NETO1: variants seen among roughly 807,000 people sequenced by gnomAD.
NETO1 encodes neuropilin and tolloid-like protein 1.
Under a neutral mutation model 61.3 loss-of-function variants are expected in NETO1, and 26 were observed. The observed-to-expected ratio is 0.42, with a 90% CI of 0.31 to 0.59. The LOEUF (loss-of-function observed/expected upper bound fraction) is 0.59. Among genes scored for constraint, NETO1 ranks in the 20% least tolerant of loss-of-function variants. The pLI, the probability that NETO1 is intolerant of heterozygous loss-of-function variation, is 0.12. For missense variants in NETO1, 531 were observed against 662.8 expected (o/e 0.80, Z 2.18); for synonymous variants, 225 against 225.8 (o/e 1.00, Z 0.03).
chr18:72,762,971 C>T (rs1156435585), intron 7 of NETO1, among the ~76,000 whole-genome samples: 1 of 152,138 alleles, frequency 6.6e-6, no homozygotes, highest in Non-Finnish European at 1.5e-5. Flanking sequence ...AATCATAGAA[C>T]ACATTGTTTT....
At chr18:72,867,179 A>T in intron 1 of NETO1, 85 bp downstream of exon 1, 1 of 1,047,252 alleles carries the variant, frequency 9.5e-7, no homozygotes, top group Non-Finnish European at 1.3e-6. Context: ...CGCGGCGCAG[A>T]GGCTTTTCCT....
chr18:72,747,797 T>G lies in NETO1; in HGVS notation c.*382A>C, dbSNP rs992650471. On this transcript the variant is annotated 3_prime_UTR_variant, in exon 11 of 11. Coordinates refer to ENST00000327305, the MANE Select transcript of NETO1 (RefSeq NM_138966.5). ...AACACAAGGTTCATCCAAATTCGTG[T>G]TTTTTTTTCACATATCACACAATGT... The G allele has an allele frequency of 3.3e-5, 5 of 150,558 alleles. No individual in the cohort carries two copies. The highest frequency in any genetic ancestry group is 9.8e-5 in the African/African-American group (4 of 40,896). 9.3% of individuals were successfully genotyped at this position (150,558 alleles called of 1,614,324 possible).
chr18:72,842,151 A>AT (rs1253209983), intron 4 of NETO1, among the ~76,000 whole-genome samples: 3 of 152,230 alleles, frequency 2.0e-5, no homozygotes, highest in Non-Finnish European at 4.4e-5. Context: ...AATGCAGAGT[A>AT]GTGCCTGTGG....
Position 72,743,803 on chromosome 18 carries a change from T to G in NETO1, c.*4376A>C, listed in dbSNP as rs1006886959. 1 of 152,180 alleles carries G rather than the reference T, an allele frequency of 6.6e-6. No individual in the cohort carries two copies. Among genetic ancestry groups the G allele is most frequent in the African/African-American group, 2.4e-5 (1 of 41,440 alleles). The allele number at this position is 152,180 out of a possible 1,614,324, so 9.4% of individuals were successfully genotyped here. On this transcript the variant is annotated 3_prime_UTR_variant, in exon 11 of 11. Transcript: ENST00000327305. The stretch of plus-strand genomic sequence containing the variant: ...TTTATTTTAAATAATTTATACATTG[T>G]TTTCTGGTCATTTTTAAGTTTTGTG...
At chr18:72,789,210 G>GCATA (rs1555687346) in intron 6 of NETO1, among the ~76,000 whole-genome samples, 3 of 141,460 alleles carry the variant, frequency 2.1e-5, no homozygotes, top group African/African-American at 5.2e-5. Flanking sequence ...TAACACACAA[G>GCATA]CACACACACA....
intron 6 of NETO1, 43 bp from the exon 7 acceptor site, chr18:72,783,949 A>G: frequency 7.4e-7 from 1 of 1,355,838 alleles, no homozygotes. Flanking sequence ...TCAAAATATG[A>G]ATGTACATCA....
Position 72,862,542 on chromosome 18 carries a change from C to T in NETO1, c.220+2266G>A, listed in dbSNP as rs1055111446. 7.2e-5 allele frequency among the ~76,000 whole-genome samples: 11 copies of T among 151,996 alleles called. No homozygotes were observed. In the East Asian group the frequency reaches 9.7e-4, roughly 13 times the overall value. On this transcript the variant is annotated intron_variant, in intron 3 of 10. Transcript: ENST00000327305. ...CAATTCCGTCTATCTAACAAGTTAT[C>T]GAGCAACAAATATTAGAACAGTCCC...
At chr18:72,765,871 C>T (rs1201279340) in intron 7 of NETO1, among the ~76,000 whole-genome samples, 1 of 152,122 alleles carries the variant, frequency 6.6e-6, no homozygotes, top group Non-Finnish European at 1.5e-5. Context: ...GAGTAATCAA[C>T]TGAAGATGCA....
chr18:72,750,389 G>A lies in NETO1; in HGVS notation c.1214C>T (p.Ala405Val), dbSNP rs767804434. 1.2e-6 allele frequency: 2 copies of A among 1,614,118 alleles called. No individual in the cohort carries two copies. The highest frequency in any genetic ancestry group is 1.1e-5 in the South Asian group (1 of 91,084). ...GTCATCTGCCACATCTGCAAAGTCA[G>A]CTGTAGCTCCTGTCCCTCTGAGAGT... ...LCTLRGTGAT[A>V]DFADVADDFE... Residue 405 changes from alanine (A) to valine (V), a missense_variant, in exon 9 of 11, where the codon GCT (alanine) becomes GTT (valine). Coordinates refer to ENST00000327305, the MANE Select transcript of NETO1 (RefSeq NM_138966.5).
chr18:72,805,930 A>G (rs1475679321), intron 4 of NETO1, among the ~76,000 whole-genome samples: 1 of 152,182 alleles, frequency 6.6e-6, no homozygotes, highest in African/African-American at 2.4e-5. Flanking sequence ...TTCAAAAATG[A>G]ATTTCAGAGA....
In NETO1 at chr18:72,864,796, G is replaced by C. The variant is rs1448565235; in HGVS notation, c.220+12C>G. On this transcript the variant is annotated intron_variant, in intron 3 of 10. Transcript: ENST00000327305. ...TTAGTGCTTTCTTAACTCTGGCACT[G>C]TCTCCCCTTACCTTCTATGATGTAG... The C allele has an allele frequency of 1.2e-6, 2 of 1,613,570 alleles. No homozygotes were observed. Among genetic ancestry groups the C allele is most frequent in the Non-Finnish European group, 1.7e-6 (2 of 1,179,908 alleles).
At chr18:72,803,541 G>A (rs1341483471) in intron 4 of NETO1, among the ~76,000 whole-genome samples, 1 of 152,170 alleles carries the variant, frequency 6.6e-6, no homozygotes, top group East Asian at 1.9e-4. Flanking sequence ...ATACTCTCCT[G>A]GCCAGGAGCG....
intron 4 of NETO1, among the ~76,000 whole-genome samples, chr18:72,853,583 T>A (rs1156597362): frequency 6.6e-6 from 1 of 151,880 alleles, no homozygotes; most frequent in East Asian, 1.9e-4. Flanking sequence ...CATGGTGAAA[T>A]CCCATCTCTA....
At chr18:72,854,073 C>T (rs568351297) in intron 4 of NETO1, among the ~76,000 whole-genome samples, 13 of 151,992 alleles carry the variant, frequency 8.6e-5, no homozygotes, top group East Asian at 7.7e-4. Flanking sequence ...CATAGAAATC[C>T]GTTTAAAACA....
At position 72,809,004 on chromosome 18, in the gene NETO1, T is replaced by C. The variant is rs112167318; in HGVS notation, c.470-14600A>G. ...GCTGTTTGCACTGCATGAATTTCTG[T>C]CAGTCTGGAAAAGAGGTAAAGTTAT... is the stretch of plus-strand genomic sequence containing the variant. On this transcript the variant is annotated intron_variant, in intron 4 of 10. Coordinates refer to ENST00000327305, the MANE Select transcript of NETO1 (RefSeq NM_138966.5). Among the ~76,000 whole-genome samples the C allele has an allele frequency of 1.2e-3, 185 of 152,350 alleles. 1 individual carries two copies. Among genetic ancestry groups the C allele is most frequent in the African/African-American group, 3.2e-3 (132 of 41,592 alleles).
chr18:72,855,092 T>G (rs1482508982), intron 4 of NETO1, among the ~76,000 whole-genome samples: 3 of 152,236 alleles, frequency 2.0e-5, no homozygotes. Flanking sequence ...CTTCTATTTT[T>G]TATTAAATTG....
intron 6 of NETO1, among the ~76,000 whole-genome samples, chr18:72,785,732 C>T (rs190237042): frequency 2.6e-5 from 4 of 152,128 alleles, no homozygotes; most frequent in Admixed American, 2.0e-4. Context: ...AATTTACATC[C>T]TTCTTATCTC....
intron 4 of NETO1, among the ~76,000 whole-genome samples, chr18:72,813,919 G>T (rs1277881268): frequency 6.6e-6 from 1 of 152,002 alleles, no homozygotes; most frequent in African/African-American, 2.4e-5. Context: ...ACACTATGCA[G>T]AGAAAAAGAG....
At chr18:72,857,500 T>C (rs2074442387) in intron 4 of NETO1, among the ~76,000 whole-genome samples, 1 of 152,202 alleles carries the variant, frequency 6.6e-6, no homozygotes. Context: ...GACATTATTT[T>C]CATGATCACC....
Sources: gnomAD v4.1 joint callset for allele counts (sites outside exome capture counted in the v4.1 genomes callset) on GRCh38, gnomAD v4.1.1 for gene constraint, MANE v1.5 for transcripts, NCBI Gene and HGNC (gene_info 2026-07-23, HGNC 2026-07-21) for gene names.